The following CAMTA1 variants were observed in gnomAD, a reference collection of about 807,000 sequenced individuals.
CAMTA1 encodes calmodulin binding transcription activator 1, also known as calmodulin-binding transcription activator 1.
CAMTA1 carries 27 observed loss-of-function variants against 170.9 expected under a neutral mutation model. The ratio of observed to expected loss-of-function variants is 0.16; its 90% CI spans 0.12 to 0.22. The LOEUF (loss-of-function observed/expected upper bound fraction) is 0.22, where lower values mean the gene tolerates loss of function less well. CAMTA1 is among the 10% of genes least tolerant of loss of function. CAMTA1 has a pLI of 1.00. For synonymous variants in CAMTA1, 833 were observed against 891.5 expected (o/e 0.93, Z 1.17); for missense variants, 1,619 against 2,217.2 (o/e 0.73, Z 5.42).
chr1:7,227,733 G>C (rs903446967), intron 4 of CAMTA1, among the ~76,000 whole-genome samples: 1 of 152,202 alleles, frequency 6.6e-6, no homozygotes, highest in South Asian at 2.1e-4. Flanking sequence ...ATGACAAGGG[G>C]CATCCTGAGG....
chr1:7,449,591 G>A (rs534867592), intron 5 of CAMTA1, among the ~76,000 whole-genome samples: 1 of 152,146 alleles, frequency 6.6e-6, no homozygotes, highest in South Asian at 2.1e-4. Context: ...CCAACATGGT[G>A]AAACCCCATC....
intron 4 of CAMTA1, among the ~76,000 whole-genome samples, chr1:7,233,006 G>A (rs1663130431): frequency 6.6e-6 from 1 of 151,144 alleles, no homozygotes; most frequent in African/African-American, 2.4e-5. Flanking sequence ...GTAGGTGGGG[G>A]GTAGAAATAG....
intron 12 of CAMTA1, among the ~76,000 whole-genome samples, chr1:7,734,679 G>A (rs2096758274): frequency 6.6e-6 from 1 of 152,094 alleles, no homozygotes. Flanking sequence ...ACCTAACTCT[G>A]CTCCTGTAGG....
intron 4 of CAMTA1, among the ~76,000 whole-genome samples, chr1:7,207,865 G>A (rs962937694): frequency 6.6e-6 from 1 of 152,198 alleles, no homozygotes; most frequent in African/African-American, 2.4e-5. Flanking sequence ...TGAAAGCTAA[G>A]TGCCCACTCA....
At chr1:7,083,573 A>G (rs1175008358) in intron 3 of CAMTA1, among the ~76,000 whole-genome samples, 2 of 152,192 alleles carry the variant, frequency 1.3e-5, no homozygotes, top group Non-Finnish European at 2.9e-5. Context: ...ACTATTTATC[A>G]TGGGGGAGGG....
In CAMTA1 at chr1:6,866,648, T is replaced by G. The variant is rs530950531; in HGVS notation, c.234+41438T>G. Among the ~76,000 whole-genome samples, 3 of 152,200 alleles carry G rather than the reference T, an allele frequency of 2.0e-5. No homozygotes were observed. The South Asian group carries it at 6.2e-4, about 32-fold the overall frequency. On this transcript the variant is annotated intron_variant, in intron 3 of 22. Transcript: ENST00000303635. ...AGCAGGCCAATCGGAAGAAAAAAATTTAAGCATATTTTGTGGATTAGCATG... is the reference window on the plus strand; with the variant it reads ...AGCAGGCCAATCGGAAGAAAAAAATGTAAGCATATTTTGTGGATTAGCATG...
intron 6 of CAMTA1, among the ~76,000 whole-genome samples, chr1:7,622,064 T>G (rs2095602474): frequency 6.6e-6 from 1 of 152,152 alleles, no homozygotes; most frequent in Admixed American, 6.5e-5. Context: ...AACAGTGACC[T>G]TGTTCTTTCT....
At chr1:6,985,712 A>G (rs1301286891) in intron 3 of CAMTA1, among the ~76,000 whole-genome samples, 3 of 152,240 alleles carry the variant, frequency 2.0e-5, no homozygotes, top group Non-Finnish European at 4.4e-5. Context: ...AATTACGTCT[A>G]TTATTAGCAG....
intron 6 of CAMTA1, among the ~76,000 whole-genome samples, chr1:7,599,093 A>G (rs762035965): frequency 6.6e-6 from 1 of 152,216 alleles, no homozygotes; most frequent in Admixed American, 6.5e-5. Context: ...TAAATCTTTA[A>G]TCCATCCTGA....
chr1:6,844,069 T>G (rs999395523), intron 3 of CAMTA1, among the ~76,000 whole-genome samples: 28 of 152,226 alleles, frequency 1.8e-4, no homozygotes, highest in African/African-American at 6.8e-4. Flanking sequence ...TGAAAACTAA[T>G]GAATTGATGA....
chr1:7,679,146 A>G (rs2096157385), intron 11 of CAMTA1, among the ~76,000 whole-genome samples: 1 of 152,218 alleles, frequency 6.6e-6, no homozygotes, highest in Admixed American at 6.5e-5. Flanking sequence ...CACAGGATGT[A>G]ACAAAGAAGG....
At position 7,561,438 on chromosome 1, in the gene CAMTA1, A is replaced by C. The variant is rs1198483906; in HGVS notation, c.511-78962A>C. On this transcript the variant is annotated intron_variant, in intron 6 of 22. Transcript: ENST00000303635. The surrounding 1 kb of genome is among the most constrained non-coding windows in gnomAD (Gnocchi z 5.3). ...CCTCTTGGGAGTCACATGGCCCCTG[A>C]GGGCATGGGACTCTCCCTGCTGGGC... Among the ~76,000 whole-genome samples, 1 of 151,690 alleles carries C rather than the reference A, an allele frequency of 6.6e-6. No homozygotes were observed. Among genetic ancestry groups the C allele is most frequent in the Non-Finnish European group, 1.5e-5 (1 of 67,878 alleles).
chr1:7,266,335 G>A (rs940303506), intron 5 of CAMTA1, among the ~76,000 whole-genome samples: 2 of 152,186 alleles, frequency 1.3e-5, no homozygotes, highest in African/African-American at 4.8e-5. Context: ...GGCTGGGAGC[G>A]CCACTGTGGG....
chr1:7,701,968 G>A (rs140777490), intron 11 of CAMTA1, among the ~76,000 whole-genome samples: 3 of 152,080 alleles, frequency 2.0e-5, no homozygotes, highest in East Asian at 1.9e-4. Flanking sequence ...GGCAGCACTC[G>A]GGGCTTGCCT....
intron 4 of CAMTA1, among the ~76,000 whole-genome samples, chr1:7,189,296 G>T (rs1654069259): frequency 6.6e-6 from 1 of 152,148 alleles, no homozygotes; most frequent in African/African-American, 2.4e-5. Flanking sequence ...GAACAAGAAT[G>T]AGCTATATCT....
At chr1:7,221,012 C>T (rs886976278) in intron 4 of CAMTA1, among the ~76,000 whole-genome samples, 1 of 152,182 alleles carries the variant, frequency 6.6e-6, no homozygotes, top group Non-Finnish European at 1.5e-5. Context: ...CGGGGAATTC[C>T]TCCTAGAGCC....
intron 3 of CAMTA1, among the ~76,000 whole-genome samples, chr1:7,005,688 C>T (rs541503493): frequency 2.6e-5 from 4 of 152,162 alleles, no homozygotes; most frequent in South Asian, 2.1e-4. Flanking sequence ...GTATTTCCTA[C>T]GTACGTAGGT....
chr1:7,743,813 TC>T (rs2096835711), intron 16 of CAMTA1, among the ~76,000 whole-genome samples: 1 of 151,800 alleles, frequency 6.6e-6, no homozygotes, highest in African/African-American at 2.4e-5. Flanking sequence ...CTTTGAGGAT[TC>T]TTTTTTTCTT....
At chr1:7,655,633 C>T (rs996776320) in intron 7 of CAMTA1, among the ~76,000 whole-genome samples, 2 of 74,856 alleles carry the variant, frequency 2.7e-5, no homozygotes, top group African/African-American at 5.0e-5. Flanking sequence ...TATACACACA[C>T]CTATACACAC....
Sources: gnomAD v4.1 joint callset for allele counts (sites outside exome capture counted in the v4.1 genomes callset) on GRCh38, gnomAD v4.1.1 for gene constraint, Gnocchi (gnomAD v3.1) non-coding constraint, MANE v1.5 for transcripts, NCBI Gene and HGNC (gene_info 2026-07-23, HGNC 2026-07-21) for gene names.